ABCB8: variants seen among roughly 807,000 people sequenced by gnomAD.
ABCB8 encodes mitochondrial potassium channel ATP-binding subunit.
ABCB8 carries 52 observed loss-of-function variants against 73.0 expected under a neutral mutation model. That is an observed-to-expected ratio of 0.71 (90% CI 0.57 to 0.90). The LOEUF (loss-of-function observed/expected upper bound fraction) is 0.90, where lower values mean the gene tolerates loss of function less well. Ranked by LOEUF, ABCB8 falls within the 40% of genes least tolerant of loss-of-function variation. The pLI is 0.00. For missense variants in ABCB8, 909 were observed against 974.6 expected (o/e 0.93, Z 0.90); for synonymous variants, 428 against 423.5 (o/e 1.01, Z -0.13).
At chr7:151,028,862 C>G in intron 1 of ABCB8, 1 of 1,535,856 alleles carries the variant, frequency 6.5e-7, no homozygotes, top group Non-Finnish European at 8.8e-7. Context: ...GGTCAGTGAC[C>G]ACGCCCAGTC....
chr7:151,043,359 C>T (rs1796518566), intron 14 of ABCB8, among the ~76,000 whole-genome samples: 1 of 150,040 alleles, frequency 6.7e-6, no homozygotes, highest in Non-Finnish European at 1.5e-5. Flanking sequence ...TGAGCCAGTG[C>T]AGGGGGAACC....
At chr7:151,040,724 C>A in intron 11 of ABCB8, 90 bp downstream of exon 11, 1 of 1,601,626 alleles carries the variant, frequency 6.2e-7, no homozygotes. Flanking sequence ...CTAATGTCCC[C>A]CATAAACAGG....
chr7:151,034,214 G>A, intron 2 of ABCB8, 59 bp from the exon 3 acceptor site: 1 of 1,543,114 alleles, frequency 6.5e-7, no homozygotes, highest in Non-Finnish European at 8.8e-7. Flanking sequence ...TCTGGCTGGG[G>A]ATGGGGAGGA....
chr7:151,034,458 C>T (rs375143099), intron 3 of ABCB8, 30 bp downstream of exon 3: 128 of 1,613,568 alleles, frequency 7.9e-5, no homozygotes, highest in Admixed American at 2.3e-4. Context: ...TGGGGACCGC[C>T]GAGGAGCCAC....
At position 151,047,278 on chromosome 7, in the gene ABCB8, C is replaced by T. The variant is rs1330281755; in HGVS notation, c.*1929C>T. 2 of 135,006 alleles carry T rather than the reference C, an allele frequency of 1.5e-5. No individual in the cohort carries two copies. The highest frequency in any genetic ancestry group is 7.1e-5 in the Admixed American group (1 of 14,088). 8.4% of individuals were successfully genotyped at this position (135,006 alleles called of 1,614,324 possible). ...GCTGGAAGAGCTAGACCGCAGGAGC[C>T]GCGCCGTCTTCCTAACCTCGCCTCG... On this transcript the variant is annotated 3_prime_UTR_variant, in exon 16 of 16. Coordinates refer to ENST00000358849, the MANE Select transcript of ABCB8 (RefSeq NM_007188.5).
chr7:151,032,932 TG>T (rs1295113694), intron 1 of ABCB8: 1 of 443,716 alleles, frequency 2.3e-6, no homozygotes, highest in Non-Finnish European at 4.6e-6. Flanking sequence ...CATGGCACAC[TG>T]GCAGAGTAGA....
chr7:151,040,277 C>T lies in ABCB8; in HGVS notation c.1227C>T (p.Ala409=), dbSNP rs755608066. ...VASQTVQRSM[A]NLSVLFGQVV... ...CTCCTTTTTCTGACAGGTCCATGGC[C>T]AACCTCTCTGTCCTGTTTGGGCAGG... The change falls in exon 10 of 16, where the codon GCC becomes GCT. Residue 409 remains alanine (A), a synonymous_variant. Transcript: ENST00000358849. 8 of 1,613,176 alleles carry T rather than the reference C, an allele frequency of 5.0e-6. No homozygotes were observed. Among genetic ancestry groups the T allele is most frequent in the African/African-American group, 1.3e-5 (1 of 75,018 alleles).
In ABCB8 at chr7:151,045,429, T is replaced by C. The variant is rs1201899885; in HGVS notation, c.*80T>C. On this transcript the variant is annotated 3_prime_UTR_variant, in exon 16 of 16. Transcript: ENST00000358849. The stretch of plus-strand genomic sequence containing the variant: ...CAGCCTGGGGGAGCCTACTGGGGAC[T>C]GAGCCCCCAGGAGGGCCAGCATGTG... 1.5e-6 allele frequency: 2 copies of C among 1,375,012 alleles called. No homozygotes were observed. The highest frequency in any genetic ancestry group is 1.5e-5 in the African/African-American group (1 of 66,448). The allele number at this position is 1,375,012 out of a possible 1,614,324, so 85.2% of individuals were successfully genotyped here.
In ABCB8 at chr7:151,028,468, T is replaced by G; in HGVS notation, c.-48T>G. The G allele has an allele frequency of 6.3e-7, 1 of 1,576,794 alleles. No homozygotes were observed. ...AGCCAACATAGAGCCCTCAGTGGGA[T>G]GAGGGTGAAACTGCTATTGCCGGCG... On this transcript the variant is annotated 5_prime_UTR_variant, in exon 1 of 16. An upstream start codon of the reference 5' UTR is lost. Transcript: ENST00000358849.
Position 151,041,161 on chromosome 7 carries a change from C to G in ABCB8, c.1546C>G (p.Leu516Val). Residue 516 changes from leucine to valine, a missense_variant, in exon 13 of 16, where the codon CTG (leucine) becomes GTG (valine). Physicochemically the swap from Leu to Val is conservative, Grantham distance 32 (BLOSUM62 1). Transcript: ENST00000358849. ...CGACCCCACGGCAGGCGTGGTGATG[C>G]TGGATGGGCGGGACCTGCGCACCCT... ...FYDPTAGVVM[L>V]DGRDLRTLDP... is the part of the protein sequence containing the mutation. The G allele has an allele frequency of 6.2e-7, 1 of 1,611,660 alleles. No individual in the cohort carries two copies.
At chr7:151,037,345 A>G (rs939974994) in intron 9 of ABCB8, 2 of 701,944 alleles carry the variant, frequency 2.8e-6, no homozygotes, top group Non-Finnish European at 5.2e-6. Context: ...GCCCTTCCCC[A>G]TGCCTGCCAC....
At chr7:151,042,345 G>A (rs550621762) in intron 14 of ABCB8, among the ~76,000 whole-genome samples, 2 of 152,292 alleles carry the variant, frequency 1.3e-5, no homozygotes, top group East Asian at 1.9e-4. Flanking sequence ...GAGACAGGAC[G>A]GGCTCTAGGA....
chr7:151,031,894 G>A (rs530805606), intron 1 of ABCB8, among the ~76,000 whole-genome samples: 16 of 152,264 alleles, frequency 1.1e-4, no homozygotes, highest in South Asian at 2.1e-4. Context: ...GATTACAGGC[G>A]TGAGCCACTG....
Position 151,045,386 on chromosome 7 carries a change from A to C in ABCB8, c.*37A>C. Reference sequence around the variant, plus strand: ...TGAGGTGTGGTCGCTGCCAAGCATCAGTGTTAGGGCTGGGGCTCAGCCTGG... The same window carrying C: ...TGAGGTGTGGTCGCTGCCAAGCATCCGTGTTAGGGCTGGGGCTCAGCCTGG... On this transcript the variant is annotated 3_prime_UTR_variant, in exon 16 of 16. Coordinates refer to ENST00000358849, the MANE Select transcript of ABCB8 (RefSeq NM_007188.5). The C allele has an allele frequency of 6.7e-7, 1 of 1,491,708 alleles. No homozygotes were observed. Among genetic ancestry groups the C allele is most frequent in the Non-Finnish European group, 8.9e-7 (1 of 1,117,588 alleles). 92.4% of individuals were successfully genotyped at this position (1,491,708 alleles called of 1,614,324 possible). A position where few individuals can be genotyped will look rare whatever the true frequency, so the allele number is the denominator to read the frequency against.
At chr7:151,028,668 G>C in intron 1 of ABCB8, 58 bp downstream of exon 1, 2 of 1,576,432 alleles carry the variant, frequency 1.3e-6, no homozygotes, top group Non-Finnish European at 1.7e-6. Context: ...GGGCAGTGCC[G>C]GCCCGCCGGG....
intron 5 of ABCB8, 47 bp from the exon 6 acceptor site, chr7:151,035,534 T>C (rs1397045506): frequency 1.9e-6 from 3 of 1,540,014 alleles, no homozygotes; most frequent in Non-Finnish European, 2.6e-6. Flanking sequence ...GTCCTTCCTG[T>C]CATGGTGCGG....
At chr7:151,043,855 T>C in intron 14 of ABCB8, 116 bp from the exon 15 acceptor site, 5 of 1,445,386 alleles carry the variant, frequency 3.5e-6, no homozygotes, top group Non-Finnish European at 4.7e-6. Flanking sequence ...GGGTGCACAG[T>C]GCTGAGAGGG....
chr7:151,043,054 A>G (rs1362642625), intron 14 of ABCB8, among the ~76,000 whole-genome samples: 1 of 152,258 alleles, frequency 6.6e-6, no homozygotes, highest in East Asian at 1.9e-4. Flanking sequence ...CCAGGCTGCC[A>G]CTTGTGCTGT....
Position 151,033,628 on chromosome 7 carries a change from C to G in ABCB8, c.119C>G (p.Ser40Cys), listed in dbSNP as rs750121036. ...AGGTACTCTGATGGCTACCGCAGCT[C>G]CTCCCTCCTCCGGGCCGTGGCCCAC... ...AVRYSDGYRS[S>C]SLLRAVAHLR... The change falls in exon 2 of 16, where the codon TCC becomes TGC. Residue 40 changes from serine to cysteine, a missense_variant. Ser to Cys is a moderately radical substitution (Grantham distance 112, BLOSUM62 -1). Coordinates refer to ENST00000358849, the MANE Select transcript of ABCB8 (RefSeq NM_007188.5). The G allele has an allele frequency of 6.3e-7, 1 of 1,589,772 alleles. No homozygotes were observed. Among genetic ancestry groups the G allele is most frequent in the South Asian group, 1.1e-5 (1 of 88,748 alleles).
Sources: allele counts gnomAD v4.1 joint callset (sites outside exome capture counted in the v4.1 genomes callset), GRCh38; gene constraint gnomAD v4.1.1; transcripts MANE v1.5; gene names NCBI Gene and HGNC (gene_info 2026-07-23, HGNC 2026-07-21).